The following CAMTA1 variants were observed in gnomAD, a reference collection of about 807,000 sequenced individuals.
CAMTA1 encodes the protein calmodulin-binding transcription activator 1.
CAMTA1 carries 27 observed loss-of-function variants against 170.9 expected under a neutral mutation model. That is an observed-to-expected ratio of 0.16 (90% CI 0.12 to 0.22). CAMTA1 has a LOEUF of 0.22. Among genes scored for constraint, CAMTA1 ranks in the 10% least tolerant of loss-of-function variants. CAMTA1 has a pLI of 1.00. For missense variants in CAMTA1, 1,619 were observed against 2,217.2 expected, an observed-to-expected ratio of 0.73 and a Z score of 5.42; for synonymous variants, 833 against 891.5, an observed-to-expected ratio of 0.93 and a Z score of 1.17.
intron 5 of CAMTA1, among the ~76,000 whole-genome samples, chr1:7,370,914 C>CTTTTTTTTTTTTTTTTTTTTTTTT: frequency 9.1e-6 from 1 of 110,010 alleles, no homozygotes; most frequent in Non-Finnish European, 1.7e-5. Flanking sequence ...TTCTTTCTTT[C>CTTTTTTTTTTTTTTTTTTTTTTTT]TTTTTTTTTT....
At chr1:7,339,448 CCAGAGTGGCAGGTCTAAGACGCA>C (rs1417407899) in intron 5 of CAMTA1, among the ~76,000 whole-genome samples, 1 of 152,102 alleles carries the variant, frequency 6.6e-6, no homozygotes, top group Non-Finnish European at 1.5e-5. Flanking sequence ...AGTGACTTGC[CCAGAGTGGCAGGTCTAAGACGCA>C]CACCCAGGCA....
intron 6 of CAMTA1, among the ~76,000 whole-genome samples, chr1:7,604,550 T>C (rs2095471242): frequency 6.6e-6 from 1 of 152,230 alleles, no homozygotes; most frequent in Admixed American, 6.5e-5. Context: ...TAAGGCTTTC[T>C]CTGTATTGGT....
intron 4 of CAMTA1, among the ~76,000 whole-genome samples, chr1:7,171,383 G>A (rs554189792): frequency 6.6e-6 from 1 of 152,106 alleles, no homozygotes; most frequent in African/African-American, 2.4e-5. Context: ...CCTGCCCCTT[G>A]TTCACCTGGT....
intron 1 of CAMTA1, among the ~76,000 whole-genome samples, chr1:6,815,715 C>G (rs1350967720): frequency 3.9e-5 from 6 of 152,208 alleles, no homozygotes; most frequent in African/African-American, 1.4e-4. Context: ...TATCTAATTC[C>G]TGATCTTTTA....
intron 9 of CAMTA1, among the ~76,000 whole-genome samples, chr1:7,668,378 G>T (rs2096019449): frequency 7.2e-6 from 1 of 139,748 alleles, no homozygotes; most frequent in Non-Finnish European, 1.5e-5. Flanking sequence ...TCCAGCTGCA[G>T]CTGGTCACCA....
chr1:7,459,620 G>A (rs890882125), intron 5 of CAMTA1, among the ~76,000 whole-genome samples: 3 of 152,202 alleles, frequency 2.0e-5, no homozygotes, highest in Non-Finnish European at 4.4e-5. Flanking sequence ...CTCAGGCCCT[G>A]CTTCTGCTGA....
chr1:7,656,761 T>G (rs1042926222), intron 7 of CAMTA1, among the ~76,000 whole-genome samples: 1 of 152,368 alleles, frequency 6.6e-6, no homozygotes, highest in East Asian at 1.9e-4. Context: ...TTCCCAGCGG[T>G]TGGCCGCCTC....
intron 5 of CAMTA1, among the ~76,000 whole-genome samples, chr1:7,324,869 CT>C (rs933015947): frequency 1.3e-5 from 2 of 151,794 alleles, no homozygotes; most frequent in Non-Finnish European, 2.9e-5. Context: ...CAATGGTTAC[CT>C]TAGAAATTCC....
intron 1 of CAMTA1, chr1:6,806,968 G>C: frequency 1.8e-6 from 1 of 545,812 alleles, no homozygotes; most frequent in South Asian, 2.4e-5. Flanking sequence ...ATAACAAAGT[G>C]CCTATCTGTG....
chr1:7,122,314 C>G (rs1265420553), intron 4 of CAMTA1, among the ~76,000 whole-genome samples: 1 of 152,056 alleles, frequency 6.6e-6, no homozygotes, highest in Non-Finnish European at 1.5e-5. Context: ...ACGTGCACCC[C>G]AGGGATGAGT....
chr1:7,303,702 G>T (rs1036246638), intron 5 of CAMTA1, among the ~76,000 whole-genome samples: 2 of 152,192 alleles, frequency 1.3e-5, no homozygotes, highest in Admixed American at 1.3e-4. Flanking sequence ...AGAATATGTA[G>T]CATGCCAGAT....
intron 4 of CAMTA1, among the ~76,000 whole-genome samples, chr1:7,191,318 G>T (rs540335801): frequency 4.8e-4 from 73 of 152,344 alleles, no homozygotes; most frequent in Non-Finnish European, 9.8e-4. Flanking sequence ...CTCTAATTCT[G>T]GATATAAGCG....
chr1:7,530,812 GTTTT>G (rs34013817), intron 6 of CAMTA1, among the ~76,000 whole-genome samples: 5 of 100,792 alleles, frequency 5.0e-5, no homozygotes, highest in African/African-American at 1.5e-4. Flanking sequence ...GTGAGCTCTT[GTTTT>G]TTTTTTTTTT....
intron 3 of CAMTA1, among the ~76,000 whole-genome samples, chr1:6,853,419 A>G (rs1234517148): frequency 1.3e-5 from 2 of 152,174 alleles, no homozygotes; most frequent in East Asian, 3.8e-4. Context: ...AGAGTAGTAA[A>G]ATATATGTAA....
chr1:7,493,028 C>T (rs982763046), intron 6 of CAMTA1, among the ~76,000 whole-genome samples: 62 of 147,054 alleles, frequency 4.2e-4, no homozygotes, highest in African/African-American at 1.5e-3. Flanking sequence ...CACACATGCA[C>T]GCACACACAA....
intron 1 of CAMTA1, among the ~76,000 whole-genome samples, chr1:6,816,871 A>G (rs1345810954): frequency 6.6e-6 from 1 of 152,222 alleles, no homozygotes; most frequent in Admixed American, 6.5e-5. Flanking sequence ...GCACAGGGGT[A>G]TCTAGTACAA....
intron 6 of CAMTA1, among the ~76,000 whole-genome samples, chr1:7,632,487 A>G (rs2095677741): frequency 6.6e-6 from 1 of 152,250 alleles, no homozygotes; most frequent in South Asian, 2.1e-4. Context: ...TGATTTATTG[A>G]CCACTTAGCG....
intron 5 of CAMTA1, among the ~76,000 whole-genome samples, chr1:7,339,664 G>A (rs1448029333): frequency 3.3e-5 from 5 of 152,020 alleles, no homozygotes; most frequent in African/African-American, 9.7e-5. Context: ...GTGCAGTGGC[G>A]CAATCTCAGC....
chr1:7,566,200 G>A (rs551917642), intron 6 of CAMTA1, among the ~76,000 whole-genome samples: 14 of 152,160 alleles, frequency 9.2e-5, no homozygotes, highest in Non-Finnish European at 1.8e-4. Context: ...GATCTGGTGC[G>A]AGCCGGGCTG....
Sources: allele counts gnomAD v4.1 joint callset (sites outside exome capture counted in the v4.1 genomes callset), GRCh38; gene constraint gnomAD v4.1.1; transcripts MANE v1.5; gene names NCBI Gene and HGNC (gene_info 2026-07-23, HGNC 2026-07-21).